EXOC2: variants seen among roughly 807,000 people sequenced by gnomAD.
EXOC2 encodes SEC5-like 1.
Under a neutral mutation model 131.8 loss-of-function variants are expected in EXOC2, and 70 were observed. That is an observed-to-expected ratio of 0.53 (90% CI 0.44 to 0.65). The LOEUF is 0.65. Among genes scored for constraint, EXOC2 ranks in the 30% least tolerant of loss-of-function variants. The pLI is 0.00. For synonymous variants in EXOC2, 411 were observed against 398.4 expected (o/e 1.03, Z -0.38); for missense variants, 923 against 1,108.6 (o/e 0.83, Z 2.38).
chr6:618,197 T>G (rs186804286), intron 5 of EXOC2, among the ~76,000 whole-genome samples: 65 of 152,322 alleles, frequency 4.3e-4, no homozygotes, highest in Admixed American at 1.5e-3. Context: ...AAGACACAGA[T>G]CATCCAGTGA....
At chr6:563,256 T>C (rs748315770) in intron 16 of EXOC2, among the ~76,000 whole-genome samples, 5 of 152,232 alleles carry the variant, frequency 3.3e-5, no homozygotes, top group Non-Finnish European at 7.3e-5. Flanking sequence ...ACAAGGGCAA[T>C]ATGATTCTCA....
At chr6:563,867 C>T (rs149931801) in intron 16 of EXOC2, among the ~76,000 whole-genome samples, 166 bp downstream of exon 16, 1 of 152,110 alleles carries the variant, frequency 6.6e-6, no homozygotes, top group East Asian at 1.9e-4. Flanking sequence ...CAATACATCA[C>T]AAAAAGAAAA....
At chr6:497,744 A>C (rs1763825177) in intron 24 of EXOC2, among the ~76,000 whole-genome samples, 1 of 152,266 alleles carries the variant, frequency 6.6e-6, no homozygotes, top group Admixed American at 6.5e-5. Context: ...TGTTGACAAA[A>C]TAAAAACTGT....
chr6:500,225 G>A (rs1322597757), intron 23 of EXOC2, among the ~76,000 whole-genome samples: 1 of 152,192 alleles, frequency 6.6e-6, no homozygotes, highest in African/African-American at 2.4e-5. Context: ...TCAAGTTATT[G>A]AGCAGAAGGA....
At chr6:688,607 G>A (rs1357864908) in intron 1 of EXOC2, among the ~76,000 whole-genome samples, 1 of 152,210 alleles carries the variant, frequency 6.6e-6, no homozygotes, top group African/African-American at 2.4e-5. Flanking sequence ...CACTGAGGCA[G>A]TTCGGTGTTA....
intron 1 of EXOC2, among the ~76,000 whole-genome samples, chr6:657,916 C>T (rs775686767): frequency 6.6e-6 from 1 of 152,176 alleles, no homozygotes; most frequent in Non-Finnish European, 1.5e-5. Context: ...ATATCTTCCC[C>T]AGTTTATCAT....
intron 20 of EXOC2, among the ~76,000 whole-genome samples, 184 bp downstream of exon 20, chr6:555,043 G>A (rs1352986380): frequency 6.6e-6 from 1 of 152,110 alleles, no homozygotes; most frequent in East Asian, 1.9e-4. Context: ...ATAAGGCAAA[G>A]ATGAGTTGAA....
At chr6:521,976 C>T (rs1765493661) in intron 23 of EXOC2, among the ~76,000 whole-genome samples, 1 of 152,050 alleles carries the variant, frequency 6.6e-6, no homozygotes, top group Non-Finnish European at 1.5e-5. Flanking sequence ...ATAAAAAACC[C>T]AAGGGTAAAT....
intron 11 of EXOC2, among the ~76,000 whole-genome samples, chr6:581,945 C>A (rs1335206411): frequency 6.6e-6 from 1 of 152,030 alleles, no homozygotes; most frequent in East Asian, 1.9e-4. Context: ...GAAAAAAATA[C>A]CTCTAGACAT....
At chr6:522,986 A>G (rs1765557694) in intron 23 of EXOC2, among the ~76,000 whole-genome samples, 1 of 152,248 alleles carries the variant, frequency 6.6e-6, no homozygotes, top group Admixed American at 6.5e-5. Flanking sequence ...GCTGTGAGGA[A>G]AGAAGAAACC....
At chr6:584,367 CA>C (rs1759085645) in intron 11 of EXOC2, among the ~76,000 whole-genome samples, 1 of 152,152 alleles carries the variant, frequency 6.6e-6, no homozygotes, top group South Asian at 2.1e-4. Context: ...CAAGATATAA[CA>C]GTTTATACTA....
At chr6:654,185 C>T (rs1004488579) in intron 1 of EXOC2, among the ~76,000 whole-genome samples, 1 of 152,174 alleles carries the variant, frequency 6.6e-6, no homozygotes, top group African/African-American at 2.4e-5. Context: ...AACACAATAT[C>T]CATTCCGCAG....
intron 23 of EXOC2, chr6:524,912 C>T (rs1156901568): frequency 1.3e-5 from 2 of 152,196 alleles, no homozygotes; most frequent in African/African-American, 4.8e-5. Context: ...CTGCATCCCT[C>T]TGTGCCTTCT....
chr6:591,741 T>A (rs1420579161), intron 11 of EXOC2, among the ~76,000 whole-genome samples: 1 of 152,190 alleles, frequency 6.6e-6, no homozygotes, highest in African/African-American at 2.4e-5. Context: ...CCCAACAGTG[T>A]CTGCAGCATA....
chr6:505,963 T>C (rs987401412), intron 23 of EXOC2, among the ~76,000 whole-genome samples: 1 of 152,208 alleles, frequency 6.6e-6, no homozygotes, highest in South Asian at 2.1e-4. Flanking sequence ...TAAATATATG[T>C]AGAATTCTAT....
intron 1 of EXOC2, among the ~76,000 whole-genome samples, chr6:665,010 G>T (rs999926122): frequency 6.6e-6 from 1 of 152,010 alleles, no homozygotes; most frequent in Non-Finnish European, 1.5e-5. Flanking sequence ...ACACAGAGGG[G>T]GAGAAAATCT....
At chr6:490,274 A>G (rs1763351238) in intron 26 of EXOC2, among the ~76,000 whole-genome samples, 1 of 152,228 alleles carries the variant, frequency 6.6e-6, no homozygotes, top group Non-Finnish European at 1.5e-5. Context: ...CTAAGTCAGC[A>G]GGAAGAGGGT....
chr6:550,551 T>C (rs181521600), intron 21 of EXOC2, among the ~76,000 whole-genome samples: 2 of 152,342 alleles, frequency 1.3e-5, no homozygotes, highest in East Asian at 3.9e-4. Context: ...AGTTACTCTA[T>C]GGCTAGGAAA....
intron 2 of EXOC2, 110 bp downstream of exon 2, chr6:637,591 A>G: frequency 1.3e-6 from 1 of 792,478 alleles, no homozygotes; most frequent in Non-Finnish European, 2.0e-6. Flanking sequence ...TGTAGAGATC[A>G]CAAAGATGTT....
Sources: allele counts gnomAD v4.1 joint callset (sites outside exome capture counted in the v4.1 genomes callset), GRCh38; gene constraint gnomAD v4.1.1; transcripts MANE v1.5; gene names NCBI Gene and HGNC (gene_info 2026-07-23, HGNC 2026-07-21).